The following KCNT2 variants were observed in gnomAD, a reference collection of about 807,000 sequenced individuals.
KCNT2 encodes potassium sodium-activated channel subfamily T member 2, also known as potassium channel subfamily T member 2.
A neutral mutation model predicts 153.8 loss-of-function variants in KCNT2; 67 were observed. The ratio of observed to expected loss-of-function variants is 0.44; its 90% CI spans 0.36 to 0.53. KCNT2 has a LOEUF of 0.53. Ranked by LOEUF, KCNT2 falls within the 20% of genes least tolerant of loss-of-function variation. The pLI, the probability that KCNT2 is intolerant of heterozygous loss-of-function variation, is 0.00. For missense variants in KCNT2, 975 were observed against 1,354.8 expected, an observed-to-expected ratio of 0.72 and a Z score of 4.40; for synonymous variants, 500 against 458.8, an observed-to-expected ratio of 1.09 and a Z score of -1.15.
At chr1:196,500,270 AAGGAAGGAAGGGAGGGAGGGAGGGAGGG>A (rs1197524991) in intron 1 of KCNT2, among the ~76,000 whole-genome samples, 3 of 33,588 alleles carry the variant, frequency 8.9e-5, no homozygotes, top group African/African-American at 1.7e-4. Context: ...GGAAGGAAGG[AAGGAAGGAAGGGAGGGAGGGAGGGAGGG>A]AGGGAGGGAG....
At chr1:196,404,541 A>G (rs564920053) in intron 12 of KCNT2, among the ~76,000 whole-genome samples, 1 of 151,656 alleles carries the variant, frequency 6.6e-6, no homozygotes, top group East Asian at 2.0e-4. Flanking sequence ...TTTCCCACCT[A>G]GGACCATTTG....
At chr1:196,576,936 T>C (rs1338088611) in intron 1 of KCNT2, among the ~76,000 whole-genome samples, 1 of 152,190 alleles carries the variant, frequency 6.6e-6, no homozygotes, top group African/African-American at 2.4e-5. Flanking sequence ...AACATTTTCT[T>C]GGAAAAGTGA....
intron 21 of KCNT2, among the ~76,000 whole-genome samples, chr1:196,310,459 T>G (rs1662055022): frequency 6.6e-6 from 1 of 151,958 alleles, no homozygotes; most frequent in Non-Finnish European, 1.5e-5. Context: ...AAAAATCTTA[T>G]CCATGTAAAC....
chr1:196,235,419 G>T (rs1034065146), intron 27 of KCNT2, among the ~76,000 whole-genome samples: 2 of 151,440 alleles, frequency 1.3e-5, no homozygotes, highest in African/African-American at 4.8e-5. Context: ...TAGTGACAAA[G>T]TGCTATTATG....
Position 196,272,279 on chromosome 1 carries a change from G to A in KCNT2, c.2910+8581C>T, listed in dbSNP as rs191134489. Among the ~76,000 whole-genome samples, 1,104 of 151,802 alleles carry A rather than the reference G, an allele frequency of 7.3e-3. 7 individuals carry two copies. The highest frequency in any genetic ancestry group is 0.01 in the Non-Finnish European group (697 of 67,824). ...ATAGTAGGCATCAGATATACACTAC[G>A]GATTCTTTATCATGTGAGTAAAGAA... On this transcript the variant is annotated intron_variant, in intron 25 of 27. Coordinates refer to ENST00000294725, the MANE Select transcript of KCNT2 (RefSeq NM_198503.5).
At chr1:196,442,591 T>G (rs957817818) in intron 8 of KCNT2, among the ~76,000 whole-genome samples, 1 of 151,694 alleles carries the variant, frequency 6.6e-6, no homozygotes, top group Non-Finnish European at 1.5e-5. Flanking sequence ...GCAAGAGTCA[T>G]GCTTAAAATA....
intron 5 of KCNT2, among the ~76,000 whole-genome samples, chr1:196,477,653 C>A (rs1262021939): frequency 2.0e-5 from 3 of 152,002 alleles, no homozygotes; most frequent in Non-Finnish European, 2.9e-5. Flanking sequence ...AAAACATAAC[C>A]TTGAGTACAC....
chr1:196,447,701 T>G (rs1675813104), intron 8 of KCNT2, among the ~76,000 whole-genome samples: 1 of 151,454 alleles, frequency 6.6e-6, no homozygotes. Flanking sequence ...ATGCCAAGTT[T>G]TTTTCACTTC....
rs1459094169 is a variant in KCNT2, at chr1:196,373,388, T to C, written c.1295-140A>G. 8 of 578,450 alleles carry C rather than the reference T, an allele frequency of 1.4e-5. No individual in the cohort carries two copies. In the East Asian group the frequency reaches 2.4e-4, roughly 17 times the overall value. The allele number at this position is 578,450 out of a possible 1,614,324, so 35.8% of individuals were successfully genotyped here. The stretch of plus-strand genomic sequence containing the variant: ...TTAGAGATGTTTTTACAAGTGCAAT[T>C]TTATCCCCAGGAAATATATCTCCTA... On this transcript the variant is annotated intron_variant, in intron 13 of 27. Coordinates refer to ENST00000294725, the MANE Select transcript of KCNT2 (RefSeq NM_198503.5).
At chr1:196,496,662 G>A (rs1341097265) in intron 1 of KCNT2, among the ~76,000 whole-genome samples, 1 of 152,100 alleles carries the variant, frequency 6.6e-6, no homozygotes, top group African/African-American at 2.4e-5. Context: ...GTGAAAACAA[G>A]CAAGGTTATT....
At chr1:196,315,318 G>T (rs575051827) in intron 21 of KCNT2, among the ~76,000 whole-genome samples, 2 of 151,580 alleles carry the variant, frequency 1.3e-5, no homozygotes, top group Non-Finnish European at 3.0e-5. Flanking sequence ...TTATAGCATG[G>T]CTCTTTCTCT....
intron 14 of KCNT2, among the ~76,000 whole-genome samples, chr1:196,355,076 G>A (rs1667061434): frequency 6.6e-6 from 1 of 151,590 alleles, no homozygotes; most frequent in South Asian, 2.1e-4. Context: ...TTCCAAAACA[G>A]ATGAGTTTAC....
At chr1:196,312,199 T>C (rs1025797373) in intron 21 of KCNT2, among the ~76,000 whole-genome samples, 1 of 151,600 alleles carries the variant, frequency 6.6e-6, no homozygotes, top group African/African-American at 2.4e-5. Flanking sequence ...AGATCTTATC[T>C]CCTTATTGTC....
At chr1:196,392,799 A>G (rs1391402970) in intron 13 of KCNT2, among the ~76,000 whole-genome samples, 4 of 151,456 alleles carry the variant, frequency 2.6e-5, no homozygotes, top group African/African-American at 9.7e-5. Flanking sequence ...TTATTTTTAT[A>G]ATGGGAATCA....
intron 22 of KCNT2, among the ~76,000 whole-genome samples, chr1:196,298,712 G>A (rs1164463438): frequency 6.6e-6 from 1 of 151,052 alleles, no homozygotes; most frequent in Non-Finnish European, 1.5e-5. Flanking sequence ...GGCTAAAAGT[G>A]TCAACCTTTT....
chr1:196,378,640 A>G (rs1474741166), intron 13 of KCNT2, among the ~76,000 whole-genome samples: 1 of 150,754 alleles, frequency 6.6e-6, no homozygotes, highest in Non-Finnish European at 1.5e-5. Context: ...TAGGCACCCA[A>G]GAAACCATGT....
chr1:196,560,409 TCTC>T (rs1218925723), intron 1 of KCNT2, among the ~76,000 whole-genome samples: 2 of 151,960 alleles, frequency 1.3e-5, no homozygotes, highest in African/African-American at 4.8e-5. Flanking sequence ...GAGACTTCTC[TCTC>T]CTCCTTTTTC....
At chr1:196,463,724 C>A (rs1228203731) in intron 8 of KCNT2, among the ~76,000 whole-genome samples, 1 of 151,586 alleles carries the variant, frequency 6.6e-6, no homozygotes, top group Non-Finnish European at 1.5e-5. Flanking sequence ...TAATGAATAA[C>A]CCTTTCTCTA....
intron 7 of KCNT2, among the ~76,000 whole-genome samples, chr1:196,466,396 G>T (rs1002770102): frequency 6.6e-6 from 1 of 151,894 alleles, no homozygotes; most frequent in Non-Finnish European, 1.5e-5. Context: ...AGACTCCAGT[G>T]GTTACTCGAT....
Sources: allele counts gnomAD v4.1 joint callset (sites outside exome capture counted in the v4.1 genomes callset), GRCh38; gene constraint gnomAD v4.1.1; transcripts MANE v1.5; gene names NCBI Gene and HGNC (gene_info 2026-07-23, HGNC 2026-07-21).